The following FN1 variants were observed in gnomAD, a reference collection of about 807,000 sequenced individuals.
FN1 encodes the protein fibronectin 1.
A neutral mutation model predicts 297.3 loss-of-function variants in FN1; 106 were observed. That is an observed-to-expected ratio of 0.36 (90% CI 0.30 to 0.42). The LOEUF (loss-of-function observed/expected upper bound fraction) is 0.42, where lower values mean the gene tolerates loss of function less well. Ranked by LOEUF, FN1 falls within the 10% of genes least tolerant of loss-of-function variation. FN1 has a pLI of 1.00. For synonymous variants in FN1, 1,149 were observed against 1,152.6 expected (o/e 1.00, Z 0.06); for missense variants, 2,690 against 3,124.9 (o/e 0.86, Z 3.32).
intron 20 of FN1, among the ~76,000 whole-genome samples, chr2:215,399,909 G>A (rs961028540): frequency 1.3e-5 from 2 of 152,078 alleles, no homozygotes; most frequent in Admixed American, 6.6e-5. Context: ...TATGCTGGGC[G>A]GGGATCGGTG....
Position 215,381,000 on chromosome 2 carries a change from G to A in FN1, c.5245C>T (p.Gln1749Ter). The change falls in exon 33 of 46, where the codon CAA becomes TAA. Residue 1749 changes from glutamine (Q) to a stop codon, truncating the protein, a stop_gained. Coordinates refer to ENST00000354785, the MANE Select transcript of FN1 (RefSeq NM_212482.4). LOFTEE classifies it high-confidence loss of function. ...TAGGTCACCCTGTACCTGGAAACTTGCCCCTGTGGGCTTTCCCAAGCAATT... is the reference window on the plus strand; with the variant it reads ...TAGGTCACCCTGTACCTGGAAACTTACCCCTGTGGGCTTTCCCAAGCAATT... ...IKIAWESPQG[Q>*]VSRYRVTYSS... 6.2e-7 allele frequency: 1 copy of A among 1,614,226 alleles called. No individual in the cohort carries two copies. The highest frequency in any genetic ancestry group is 8.5e-7 in the Non-Finnish European group (1 of 1,180,042).
chr2:215,364,466 G>A (rs183174513), intron 44 of FN1: 87 of 272,404 alleles, frequency 3.2e-4, no homozygotes, highest in East Asian at 2.6e-3. Flanking sequence ...GGGGAGAACC[G>A]GCTGAAATGA....
At chr2:215,422,552 C>G (rs1192086733) in intron 9 of FN1, among the ~76,000 whole-genome samples, 1 of 152,204 alleles carries the variant, frequency 6.6e-6, no homozygotes, top group Non-Finnish European at 1.5e-5. Flanking sequence ...GATTTAACTA[C>G]AGCTTCATAA....
intron 3 of FN1, 58 bp from the exon 4 acceptor site, chr2:215,432,022 C>A: frequency 6.2e-7 from 1 of 1,600,358 alleles, no homozygotes; most frequent in South Asian, 1.1e-5. Flanking sequence ...TTTTTTTGGT[C>A]TCATATTCCA....
Position 215,380,827 on chromosome 2 carries a change from A to T in FN1, c.5418T>A (p.Ile1806=). The part of the protein sequence containing the change: ...LHDDMESQPL[I]GTQSTAIPAP... ...ACCATATACCTGTGGACTGGGTTCC[A>T]ATCAGGGGCTGGCTCTCCATATCAT... The change falls in exon 33 of 46, where the codon ATT becomes ATA. Residue 1806 remains isoleucine, a synonymous_variant. Coordinates refer to ENST00000354785, the MANE Select transcript of FN1 (RefSeq NM_212482.4). 1 of 1,613,280 alleles carries T rather than the reference A, an allele frequency of 6.2e-7. No individual in the cohort carries two copies. Among genetic ancestry groups the T allele is most frequent in the Non-Finnish European group, 8.5e-7 (1 of 1,179,960 alleles).
At chr2:215,433,605 G>C (rs564345543) in intron 2 of FN1, 144 bp from the exon 3 acceptor site, 1 of 846,172 alleles carries the variant, frequency 1.2e-6, no homozygotes, top group Admixed American at 2.1e-5. Flanking sequence ...GAGAGATACA[G>C]ATTTTTATCC....
rs10524797 is a variant in FN1, at chr2:215,412,760, C to CTTTTTTTTT, written c.1941+2068_1941+2076dup. Among the ~76,000 whole-genome samples the CTTTTTTTTT allele has an allele frequency of 2.1e-3, 204 of 97,488 alleles. 11 individuals carry two copies. Among genetic ancestry groups the CTTTTTTTTT allele is most frequent in the African/African-American group, 5.8e-3 (135 of 23,274 alleles). The allele number at this position is 97,488 out of a possible 152,430, so 64.0% of individuals were successfully genotyped here. A position where few individuals can be genotyped will look rare whatever the true frequency, so the allele number is the denominator to read the frequency against. ...TAATTTAAAGTATTATATTAAGTAT[C>CTTTTTTTTT]TTTTTTTTTTTTTTTTTTTTTTACT... On this transcript the variant is annotated intron_variant, in intron 13 of 45. Transcript: ENST00000354785.
At position 215,391,724 on chromosome 2, in the gene FN1, G is replaced by C; in HGVS notation, c.4160C>G (p.Thr1387Ser). The C allele has an allele frequency of 6.2e-7, 1 of 1,614,148 alleles. No homozygotes were observed. The highest frequency in any genetic ancestry group is 8.5e-7 in the Non-Finnish European group (1 of 1,179,996). ...TWAPPPSIDLTNFLVRYSPVK... is the reference protein window; with the variant it reads ...TWAPPPSIDLSNFLVRYSPVK... ...AGGTGAGTAACGCACCAGGAAGTTGGTTAAATCAATGGATGGGGGTGGAGC... is the reference window on the plus strand; with the variant it reads ...AGGTGAGTAACGCACCAGGAAGTTGCTTAAATCAATGGATGGGGGTGGAGC... The change falls in exon 26 of 46, where the codon ACC becomes AGC. Residue 1387 changes from threonine (T) to serine (S), a missense_variant. Physicochemically the swap from Thr to Ser is moderately conservative, Grantham distance 58 (BLOSUM62 1). This residue lies in a region of FN1 where 1,743 missense variants were observed against 1,945.2 expected (regional missense o/e 0.90). Transcript: ENST00000354785.
rs575426592 is a variant in FN1 at position 215,392,944 on chromosome 2, C to G, written c.4056G>C (p.Leu1352=). The change falls in exon 25 of 46, where the codon CTG becomes CTC. Residue 1352 remains leucine (L), a synonymous_variant. Coordinates refer to ENST00000354785, the MANE Select transcript of FN1 (RefSeq NM_212482.4). ...INGGESAPTT[L]TQQTAVPPPT... is the part of the protein sequence containing the mutation. ...TTCAAAATTCACCCGTTTGTTGTGT[C>G]AGTGTAGTAGGGGCACTCTCGCCGC... 1.2e-6 allele frequency: 2 copies of G among 1,612,616 alleles called. No homozygotes were observed. The highest frequency in any genetic ancestry group is 1.7e-6 in the Non-Finnish European group (2 of 1,180,004).
chr2:215,377,729 G>C (rs200816434), intron 35 of FN1, among the ~76,000 whole-genome samples: 1 of 80,284 alleles, frequency 1.2e-5, no homozygotes, highest in Non-Finnish European at 2.5e-5. Flanking sequence ...GAAGCCAGTG[G>C]GGTCTCCCCA....
At chr2:215,388,992 GAA>G (rs35034272) in intron 26 of FN1, among the ~76,000 whole-genome samples, 1 of 151,984 alleles carries the variant, frequency 6.6e-6, no homozygotes, top group Admixed American at 6.6e-5. Context: ...ACCTTTACTG[GAA>G]AAAAGCCACA....
At chr2:215,431,685 T>C (rs986295252) in intron 4 of FN1, 148 bp downstream of exon 4, 2 of 839,682 alleles carry the variant, frequency 2.4e-6, no homozygotes, top group African/African-American at 1.7e-5. Flanking sequence ...ATGGATTATA[T>C]AATAATTCAT....
chr2:215,376,684 A>T lies in FN1; in HGVS notation c.5711-10T>A. On this transcript the variant is annotated splice_polypyrimidine_tract_variant and intron_variant, in intron 35 of 45. Transcript: ENST00000354785. ...CTTGGTGGGCTGACATCTGCACAGG[A>T]GCATAGCTAGAGATTAGTGCCTGCT... 1.2e-6 allele frequency: 2 copies of T among 1,612,988 alleles called. No homozygotes were observed. Among genetic ancestry groups the T allele is most frequent in the Non-Finnish European group, 1.7e-6 (2 of 1,179,788 alleles).
chr2:215,361,265 T>G lies in FN1; in HGVS notation c.*290A>C, dbSNP rs1434436093. 1 of 376,804 alleles carries G rather than the reference T, an allele frequency of 2.7e-6. No homozygotes were observed. 23.3% of individuals were successfully genotyped at this position (376,804 alleles called of 1,614,324 possible). On this transcript the variant is annotated 3_prime_UTR_variant, in exon 46 of 46. Coordinates refer to ENST00000354785, the MANE Select transcript of FN1 (RefSeq NM_212482.4). The stretch of plus-strand genomic sequence containing the variant: ...TCTTGGTTGGCTGCATATGCTTTCC[T>G]ATTGATCCCAAACCAAATCTTAGAA...
chr2:215,395,442 G>A (rs745432486), intron 23 of FN1, among the ~76,000 whole-genome samples: 2 of 151,922 alleles, frequency 1.3e-5, no homozygotes, highest in Non-Finnish European at 1.5e-5. Flanking sequence ...GGGAGGCTGA[G>A]GCACGAGAAT....
intron 19 of FN1, 151 bp from the exon 20 acceptor site, chr2:215,404,806 G>C (rs756469165): frequency 2.7e-6 from 2 of 739,424 alleles, no homozygotes; most frequent in African/African-American, 1.8e-5. Context: ...GCCAGTAAGA[G>C]ATTGAGTGCT....
intron 13 of FN1, 56 bp from the exon 14 acceptor site, chr2:215,410,170 C>T (rs766221187): frequency 8.6e-6 from 13 of 1,508,582 alleles, no homozygotes; most frequent in Admixed American, 3.9e-5. Flanking sequence ...CAAGGATGAA[C>T]ATTTGAAGAT....
At chr2:215,367,778 C>A in intron 42 of FN1, 85 bp downstream of exon 42, 1 of 1,374,686 alleles carries the variant, frequency 7.3e-7, no homozygotes, top group South Asian at 1.2e-5. Flanking sequence ...CCTGTGTCTT[C>A]CAAACATGCT....
In FN1 at chr2:215,409,551, T is replaced by C. The variant is rs527692669; in HGVS notation, c.2299+12A>G. 2.5e-6 allele frequency: 4 copies of C among 1,612,300 alleles called. No individual in the cohort carries two copies. The highest frequency in any genetic ancestry group is 2.7e-5 in the African/African-American group (2 of 74,980). On this transcript the variant is annotated intron_variant, in intron 15 of 45. Coordinates refer to ENST00000354785, the MANE Select transcript of FN1 (RefSeq NM_212482.4). ...TGCCCTGAACCTGTCTTGAGCGACA[T>C]ATTGAGCTTACCCAGGTACTGTGGC... is the stretch of plus-strand genomic sequence containing the variant.
Sources: allele counts gnomAD v4.1 joint callset (sites outside exome capture counted in the v4.1 genomes callset), GRCh38; gene constraint gnomAD v4.1.1; regional missense constraint gnomAD v4.1.1; transcripts MANE v1.5; gene names NCBI Gene and HGNC (gene_info 2026-07-23, HGNC 2026-07-21).